Variants in HERC2 observed in about 807,000 individuals in gnomAD.
The protein encoded by HERC2 is HECT and RLD domain containing E3 ubiquitin protein ligase 2, also known as E3 ubiquitin-protein ligase HERC2.
In HERC2, 102 loss-of-function variants were observed where a neutral mutation model predicts 537.7. The observed-to-expected ratio is 0.19, with a 90% CI of 0.16 to 0.22. The LOEUF (loss-of-function observed/expected upper bound fraction) is 0.22, where lower values mean the gene tolerates loss of function less well. HERC2 is among the 10% of genes least tolerant of loss of function. The pLI is 1.00. For missense variants in HERC2, 4,236 were observed against 6,198.2 expected (o/e 0.68, Z 10.63); for synonymous variants, 2,224 against 2,466.2 (o/e 0.90, Z 2.91).
At chr15:28,230,612 T>C (rs959723852) in intron 30 of HERC2, 112 bp from the exon 31 acceptor site, 18 of 712,216 alleles carry the variant, frequency 2.5e-5, no homozygotes, top group Non-Finnish European at 3.7e-5. Context: ...AATAAACATC[T>C]GAACAACATT....
intron 44 of HERC2, among the ~76,000 whole-genome samples, chr15:28,210,628 G>T (rs924697465): frequency 1.3e-5 from 2 of 151,792 alleles, no homozygotes; most frequent in Non-Finnish European, 2.9e-5. Context: ...GGCTTTACGC[G>T]CATTTGAAGA....
At chr15:28,174,992 C>T (rs1343999439) in intron 64 of HERC2, among the ~76,000 whole-genome samples, 1 of 151,984 alleles carries the variant, frequency 6.6e-6, no homozygotes. Context: ...TAAGTTGCTT[C>T]TTGGCCTTAT....
chr15:28,155,289 G>C (rs1049567500), intron 69 of HERC2, among the ~76,000 whole-genome samples: 1 of 152,070 alleles, frequency 6.6e-6, no homozygotes, highest in Non-Finnish European at 1.5e-5. Context: ...CCAGTAATGG[G>C]ATGGCTGGGT....
chr15:28,251,118 T>C (rs982667712), intron 20 of HERC2, among the ~76,000 whole-genome samples: 6 of 152,126 alleles, frequency 3.9e-5, no homozygotes, highest in African/African-American at 7.2e-5. Context: ...CCAATGGAGC[T>C]ACAGGTGCAA....
At chr15:28,257,959 C>T (rs765887783) in intron 16 of HERC2, among the ~76,000 whole-genome samples, 34 of 152,116 alleles carry the variant, frequency 2.2e-4, no homozygotes, top group Non-Finnish European at 4.1e-4. Context: ...GCTGGAATTA[C>T]AAGCGTGAGC....
intron 3 of HERC2, among the ~76,000 whole-genome samples, chr15:28,297,983 C>G (rs1275718819): frequency 6.8e-6 from 1 of 146,640 alleles, no homozygotes; most frequent in Non-Finnish European, 1.5e-5. Flanking sequence ...TGCAGCCACT[C>G]ACTGTACACG....
intron 70 of HERC2, among the ~76,000 whole-genome samples, chr15:28,149,173 T>C (rs73379662): frequency 0.025 from 3,627 of 144,450 alleles, 136 homozygotes; most frequent in African/African-American, 0.088. Context: ...TCACCAAGAA[T>C]GGCCACACGA....
chr15:28,288,100 G>T (rs1404172101), intron 4 of HERC2, among the ~76,000 whole-genome samples: 1 of 152,058 alleles, frequency 6.6e-6, no homozygotes, highest in African/African-American at 2.4e-5. Flanking sequence ...AGCCAAAATT[G>T]ATACCCAGAC....
Position 28,142,899 on chromosome 15 carries a change from C to T in HERC2, c.11472G>A (p.Leu3824=). Residue 3824 remains leucine (L), a synonymous_variant, in exon 75 of 93, where the codon TTG becomes TTA. Coordinates refer to ENST00000261609, the MANE Select transcript of HERC2 (RefSeq NM_004667.6). The part of the protein sequence containing the change: ...AALVKGLPEA[L]QRQFEYEDPI... The stretch of plus-strand genomic sequence containing the variant: ...GATCTTCATATTCAAACTGCCTTTG[C>T]AAAGCTTCTGGAAGACCTTTCACCA... 1 of 1,601,494 alleles carries T rather than the reference C, an allele frequency of 6.2e-7. No homozygotes were observed. The highest frequency in any genetic ancestry group is 8.6e-7 in the Non-Finnish European group (1 of 1,169,238).
chr15:28,278,909 T>G (rs2075950592), intron 5 of HERC2, among the ~76,000 whole-genome samples: 1 of 152,254 alleles, frequency 6.6e-6, no homozygotes, highest in Non-Finnish European at 1.5e-5. Context: ...ACATAAGCCT[T>G]AAACATTCTA....
At chr15:28,117,655 G>T in intron 86 of HERC2, 1 of 415,788 alleles carries the variant, frequency 2.4e-6, no homozygotes, top group South Asian at 1.8e-5. Context: ...CACAGTGAGT[G>T]AGTGCCTCAG....
At chr15:28,273,069 C>CA in intron 7 of HERC2, 65 bp from the exon 8 acceptor site, 1 of 1,140,070 alleles carries the variant, frequency 8.8e-7, no homozygotes, top group Non-Finnish European at 1.3e-6. Context: ...CTTACAATCA[C>CA]ACTAACACAT....
chr15:28,163,173 G>T lies in HERC2; in HGVS notation c.10667C>A (p.Ser3556Ter). Reference protein sequence around the residue: ...TRVVVDLLKLSVCSRAGDRGR... With the variant: ...TRVVVDLLKL ...CCTGTCCCCGGCCCGGCTGCACACTGACAGCTTGAGCAGGTCTACCACCAC... is the reference window on the plus strand; with the variant it reads ...CCTGTCCCCGGCCCGGCTGCACACTTACAGCTTGAGCAGGTCTACCACCAC... The change falls in exon 69 of 93, where the codon TCA (serine) becomes TAA (stop). Residue 3556 changes from serine to a stop codon, truncating the protein, a stop_gained. Coordinates refer to ENST00000261609, the MANE Select transcript of HERC2 (RefSeq NM_004667.6). LOFTEE classifies it high-confidence loss of function. The T allele has an allele frequency of 6.2e-7, 1 of 1,613,634 alleles. No individual in the cohort carries two copies.
At chr15:28,125,281 A>G (rs1348984817) in intron 83 of HERC2, 88 bp from the exon 84 acceptor site, 1 of 1,048,146 alleles carries the variant, frequency 9.5e-7, no homozygotes, top group Admixed American at 1.8e-5. Context: ...ACACAGCACC[A>G]ACGCTCCCTG....
At position 28,196,490 on chromosome 15, in the gene HERC2, C is replaced by T. The variant is rs1175420366; in HGVS notation, c.8091G>A (p.Glu2697=). The T allele has an allele frequency of 2.5e-6, 4 of 1,613,368 alleles. No individual in the cohort carries two copies. The South Asian group carries it at 3.3e-5, about 13-fold the overall frequency. Reference sequence around the variant, plus strand: ...CCCCAGGATGAATACTGGGTACCAACTCCATTTCTGATAGCAACCCAGTCC... The same window carrying T: ...CCCCAGGATGAATACTGGGTACCAATTCCATTTCTGATAGCAACCCAGTCC... ...SHWTGLLSEM[E]LVPSIHPGVT... The change falls in exon 51 of 93, where the codon GAG becomes GAA. Residue 2697 remains glutamate (E), a synonymous_variant. Transcript: ENST00000261609.
At chr15:28,200,763 A>G (rs953746519) in intron 48 of HERC2, among the ~76,000 whole-genome samples, 1 of 148,036 alleles carries the variant, frequency 6.8e-6, no homozygotes, top group Non-Finnish European at 1.5e-5. Context: ...TTGTTAGGTA[A>G]TGCTGGTAAA....
Position 28,177,258 on chromosome 15 carries a change from G to A in HERC2, c.9255-131C>T, listed in dbSNP as rs1307165242. 1 of 1,220,178 alleles carries A rather than the reference G, an allele frequency of 8.2e-7. No homozygotes were observed. Among genetic ancestry groups the A allele is most frequent in the East Asian group, 2.4e-5 (1 of 41,822 alleles). 75.6% of individuals were successfully genotyped at this position (1,220,178 alleles called of 1,614,324 possible). A position where few individuals can be genotyped will look rare whatever the true frequency, so the allele number is the denominator to read the frequency against. On this transcript the variant is annotated intron_variant, in intron 60 of 92. Transcript: ENST00000261609. This position sits in a 1 kb window ranked among gnomAD's most constrained non-coding sequence, Gnocchi z 5.0. ...AGATCAACTATCAAAACTTAAAGCA[G>A]AACCGGTGAGACCAAAACACAAACA...
At chr15:28,311,728 A>C (rs1287260378) in intron 2 of HERC2, among the ~76,000 whole-genome samples, 1 of 152,042 alleles carries the variant, frequency 6.6e-6, no homozygotes, top group Non-Finnish European at 1.5e-5. Flanking sequence ...TGTCCTGGAG[A>C]AGATGCCAAC....
intron 8 of HERC2, 121 bp downstream of exon 8, chr15:28,272,773 C>A: frequency 1.5e-6 from 1 of 647,630 alleles, no homozygotes; most frequent in South Asian, 1.9e-5. Context: ...GGACATGGTT[C>A]TCCGTACAGA....
Sources: gnomAD v4.1 joint callset for allele counts (sites outside exome capture counted in the v4.1 genomes callset) on GRCh38, gnomAD v4.1.1 for gene constraint, Gnocchi (gnomAD v3.1) non-coding constraint, MANE v1.5 for transcripts, NCBI Gene and HGNC (gene_info 2026-07-23, HGNC 2026-07-21) for gene names.